The following ANKRD28 variants were observed in gnomAD, a reference collection of about 807,000 sequenced individuals.
ANKRD28 encodes ankyrin repeat domain 28.
ANKRD28 carries 44 observed loss-of-function variants against 126.5 expected under a neutral mutation model. The ratio of observed to expected loss-of-function variants is 0.35; its 90% CI spans 0.27 to 0.45. The LOEUF (loss-of-function observed/expected upper bound fraction) is 0.45. Ranked by LOEUF, ANKRD28 falls within the 20% of genes least tolerant of loss-of-function variation. The pLI, the probability that ANKRD28 is intolerant of heterozygous loss-of-function variation, is 1.00. For missense variants in ANKRD28, 1,110 were observed against 1,316.6 expected, an observed-to-expected ratio of 0.84 and a Z score of 2.43; for synonymous variants, 442 against 468.5, an observed-to-expected ratio of 0.94 and a Z score of 0.73.
intron 3 of ANKRD28, among the ~76,000 whole-genome samples, chr3:15,765,723 C>T (rs183233218): frequency 5.3e-5 from 8 of 152,044 alleles, no homozygotes; most frequent in Non-Finnish European, 1.2e-4. Flanking sequence ...GCCTGTAATC[C>T]CAGCTACTCG....
At chr3:15,821,715 C>T (rs1391020940) in intron 1 of ANKRD28, among the ~76,000 whole-genome samples, 1 of 152,188 alleles carries the variant, frequency 6.6e-6, no homozygotes, top group Admixed American at 6.5e-5. Flanking sequence ...ATTTACTGCA[C>T]ACCACTCCCA....
intron 8 of ANKRD28, among the ~76,000 whole-genome samples, chr3:15,716,344 T>C (rs1284594855): frequency 1.3e-5 from 2 of 150,466 alleles, no homozygotes; most frequent in Non-Finnish European, 3.0e-5. Context: ...CAGGCTGGAA[T>C]GCAGTGGTGT....
rs552097552 is a variant in ANKRD28, at chr3:15,740,364, T to C, written c.352-3131A>G. On this transcript the variant is annotated intron_variant, in intron 4 of 27. Coordinates refer to ENST00000683139, the MANE Select transcript of ANKRD28 (RefSeq NM_001349278.2). ...ACACTAAAAAATTCATGCATTTTAA[T>C]TGTAAGTTATATTTCAATTTAAAAA... is the stretch of plus-strand genomic sequence containing the variant. Among the ~76,000 whole-genome samples the C allele has an allele frequency of 3.2e-4, 48 of 152,290 alleles. 1 individual carries two copies. In the South Asian group the frequency reaches 7.5e-3, roughly 24 times the overall value.
intron 8 of ANKRD28, 22 bp from the exon 9 acceptor site, chr3:15,714,678 TACTC>T (rs778143349): frequency 1.3e-6 from 2 of 1,527,912 alleles, no homozygotes; most frequent in South Asian, 2.4e-5. Flanking sequence ...AGAAAAAAAT[TACTC>T]ACTCTACTAT....
intron 14 of ANKRD28, among the ~76,000 whole-genome samples, chr3:15,704,606 G>C (rs1054582667): frequency 6.6e-6 from 1 of 152,080 alleles, no homozygotes; most frequent in Non-Finnish European, 1.5e-5. Context: ...TTTCATTGTT[G>C]CTTTGGCAGA....
At chr3:15,782,664 T>C (rs2059590904) in intron 2 of ANKRD28, among the ~76,000 whole-genome samples, 1 of 152,064 alleles carries the variant, frequency 6.6e-6, no homozygotes, top group Non-Finnish European at 1.5e-5. Flanking sequence ...ACTTTCATAG[T>C]TGTCTGTTCT....
At chr3:15,709,107 C>T (rs2071871125) in intron 13 of ANKRD28, among the ~76,000 whole-genome samples, 1 of 152,176 alleles carries the variant, frequency 6.6e-6, no homozygotes, top group East Asian at 1.9e-4. Flanking sequence ...TGCTGAATGA[C>T]TACAAAGACT....
rs988621899 is a variant in ANKRD28 at position 15,668,350 on chromosome 3, G to A, written c.*1920C>T. 28 of 150,868 alleles carry A rather than the reference G, an allele frequency of 1.9e-4. No homozygotes were observed. The highest frequency in any genetic ancestry group is 3.5e-4 in the Non-Finnish European group (24 of 67,846). The allele number at this position is 150,868 out of a possible 1,614,324, so 9.3% of individuals were successfully genotyped here. ...ACACATATGTATACTTTTAGAATCT[G>A]CTTGATTTTTTTTTTTTTCAAAAGG... On this transcript the variant is annotated 3_prime_UTR_variant, in exon 28 of 28. Transcript: ENST00000683139.
intron 4 of ANKRD28, among the ~76,000 whole-genome samples, chr3:15,742,857 C>A (rs905700686): frequency 6.8e-6 from 1 of 147,318 alleles, no homozygotes; most frequent in African/African-American, 2.5e-5. Flanking sequence ...GCCCAGCCAC[C>A]ACCCCGTCTG....
At chr3:15,696,922 C>A (rs1333799468) in intron 14 of ANKRD28, among the ~76,000 whole-genome samples, 1 of 152,126 alleles carries the variant, frequency 6.6e-6, no homozygotes, top group East Asian at 1.9e-4. Context: ...TTTGATCCAG[C>A]AATCCCATTA....
At chr3:15,793,450 C>T (rs2060125260) in intron 2 of ANKRD28, among the ~76,000 whole-genome samples, 1 of 152,014 alleles carries the variant, frequency 6.6e-6, no homozygotes, top group Admixed American at 6.6e-5. Context: ...GATGAGTGAG[C>T]TGATGCTCTC....
intron 6 of ANKRD28, among the ~76,000 whole-genome samples, chr3:15,734,157 G>A (rs959579327): frequency 8.5e-5 from 13 of 152,320 alleles, no homozygotes; most frequent in African/African-American, 3.1e-4. Flanking sequence ...GTTCCCCATG[G>A]CTGACTATGG....
chr3:15,678,276 A>G lies in ANKRD28; in HGVS notation c.2640T>C (p.Asn880=). ...GTGTTTTCCCTGTAGAGTCCACAGAATTGACTTGAGCATTATGGCTGAGCA... is the reference window on the plus strand; with the variant it reads ...GTGTTTTCCCTGTAGAGTCCACAGAGTTGACTTGAGCATTATGGCTGAGCA... The part of the protein sequence containing the change: ...QLLLSHNAQV[N]SVDSTGKTPL... Residue 880 remains asparagine, a synonymous_variant, in exon 24 of 28, where the codon AAT becomes AAC. Coordinates refer to ENST00000683139, the MANE Select transcript of ANKRD28 (RefSeq NM_001349278.2). The G allele has an allele frequency of 1.9e-6, 3 of 1,613,188 alleles. No individual in the cohort carries two copies. Among genetic ancestry groups the G allele is most frequent in the Non-Finnish European group, 2.5e-6 (3 of 1,179,710 alleles).
In ANKRD28 at chr3:15,721,125, C is replaced by A; in HGVS notation, c.786G>T (p.Met262Ile). The A allele has an allele frequency of 6.2e-7, 1 of 1,608,372 alleles. No homozygotes were observed. Among genetic ancestry groups the A allele is most frequent in the African/African-American group, 1.3e-5 (1 of 74,764 alleles). ...TATTTCCATAGGCATTTGGTTCATTCATCTATTAGAAGGGAAAAAAATGCG... is the reference window on the plus strand; with the variant it reads ...TATTTCCATAGGCATTTGGTTCATTAATCTATTAGAAGGGAAAAAAATGCG... ...VKYLLDLGVDMNEPNAYGNTP... is the reference protein window; with the variant it reads ...VKYLLDLGVDINEPNAYGNTP... Residue 262 changes from methionine to isoleucine, a missense_variant and splice_region_variant, in exon 8 of 28, where the codon ATG becomes ATT. By Grantham distance (10) the Met-to-Ile change is conservative. Coordinates refer to ENST00000683139, the MANE Select transcript of ANKRD28 (RefSeq NM_001349278.2).
rs377505683 is a variant in ANKRD28 at position 15,679,511 on chromosome 3, C to A, written c.2442G>T (p.Thr814=). Residue 814 remains threonine, a synonymous_variant, in exon 22 of 28, where the codon ACG becomes ACT. Transcript: ENST00000683139. ...LLLEQEVFQK[T]EGNAFSPLHC... is the part of the protein sequence containing the mutation. ...GCAATGGACTAAAAGCATTTCCTTC[C>A]GTTTTCTGGAAAACTTCCTGTTCTA... The A allele has an allele frequency of 1.4e-5, 22 of 1,613,766 alleles. No individual in the cohort carries two copies. Among genetic ancestry groups the A allele is most frequent in the Non-Finnish European group, 1.6e-5 (19 of 1,179,798 alleles).
intron 1 of ANKRD28, among the ~76,000 whole-genome samples, chr3:15,851,579 AT>A (rs2061652198): frequency 1.0e-5 from 1 of 99,914 alleles, no homozygotes; most frequent in African/African-American, 2.9e-5. Flanking sequence ...AAATAAATAA[AT>A]AAATAAATAA....
intron 2 of ANKRD28, among the ~76,000 whole-genome samples, chr3:15,776,527 A>G (rs1311326398): frequency 1.3e-5 from 2 of 152,216 alleles, no homozygotes; most frequent in Admixed American, 6.5e-5. Flanking sequence ...AAACTAAATT[A>G]TATTGCTTGG....
chr3:15,696,604 T>C (rs1441208340), intron 14 of ANKRD28, among the ~76,000 whole-genome samples: 1 of 152,076 alleles, frequency 6.6e-6, no homozygotes, highest in Admixed American at 6.6e-5. Context: ...GTACATAATA[T>C]TGGCAATATT....
At chr3:15,840,288 C>T (rs1218835547) in intron 1 of ANKRD28, among the ~76,000 whole-genome samples, 1 of 152,072 alleles carries the variant, frequency 6.6e-6, no homozygotes, top group Non-Finnish European at 1.5e-5. Flanking sequence ...AAAGTAATTC[C>T]ATTTATAACA....
Sources: allele counts gnomAD v4.1 joint callset (sites outside exome capture counted in the v4.1 genomes callset), GRCh38; gene constraint gnomAD v4.1.1; transcripts MANE v1.5; gene names NCBI Gene and HGNC (gene_info 2026-07-23, HGNC 2026-07-21).